MXD1: variants seen among roughly 807,000 people sequenced by gnomAD.
The protein encoded by MXD1 is MAX dimerization protein 1, also known as MAX-binding protein.
MXD1 carries 9 observed loss-of-function variants against 25.7 expected under a neutral mutation model. The ratio of observed to expected loss-of-function variants is 0.35; its 90% CI spans 0.21 to 0.61. The LOEUF (loss-of-function observed/expected upper bound fraction) is 0.61, where lower values mean the gene tolerates loss of function less well. Ranked by LOEUF, MXD1 falls within the 20% of genes least tolerant of loss-of-function variation. The probability of loss-of-function intolerance (pLI) is 0.75; values close to 1 mark genes in which losing one functional copy is unlikely to be tolerated. For missense variants in MXD1, 227 were observed against 292.4 expected (o/e 0.78, Z 1.63); for synonymous variants, 99 against 113.9 (o/e 0.87, Z 0.83).
Position 69,915,472 on chromosome 2 carries a change from G to C in MXD1, c.73+69G>C. 8.2e-7 allele frequency: 1 copy of C among 1,213,096 alleles called. No homozygotes were observed. The highest frequency in any genetic ancestry group is 1.0e-6 in the Non-Finnish European group (1 of 954,366). The allele number at this position is 1,213,096 out of a possible 1,614,324, so 75.1% of individuals were successfully genotyped here. The stretch of plus-strand genomic sequence containing the variant: ...GTCCTGTGGGGCCGGCCTCAGGTCC[G>C]GGCGCCCAGCCGCTCCGGGGGTGGT... On this transcript the variant is annotated intron_variant, in intron 1 of 5. Coordinates refer to ENST00000264444, the MANE Select transcript of MXD1 (RefSeq NM_002357.4). The surrounding 1 kb of genome is among the most constrained non-coding windows in gnomAD (Gnocchi z 5.8).
chr2:69,928,394 G>A (rs138868754), intron 3 of MXD1, among the ~76,000 whole-genome samples: 152 of 152,280 alleles, frequency 1.0e-3, no homozygotes, highest in Non-Finnish European at 1.7e-3. Flanking sequence ...GGAAAAGAAA[G>A]AATATGTTTG....
chr2:69,930,138 T>TCA (rs2104189385), intron 3 of MXD1, among the ~76,000 whole-genome samples: 1 of 152,366 alleles, frequency 6.6e-6, no homozygotes. Context: ...AGGAATCTGC[T>TCA]ATTTTTTTCA....
At position 69,921,738 on chromosome 2, in the gene MXD1, C is replaced by A; in HGVS notation, c.176C>A (p.Ser59Ter). 1 of 1,609,494 alleles carries A rather than the reference C, an allele frequency of 6.2e-7. No individual in the cohort carries two copies. The highest frequency in any genetic ancestry group is 1.1e-5 in the South Asian group (1 of 90,180). ...KSKKNNSSSR[S>*]THNEMEKNRR... Reference sequence around the variant, plus strand: ...TCTCTTATTGTTCCCTCTTTCAGATCAACTCACAATGAAATGGAGAAGAAT... The same window carrying A: ...TCTCTTATTGTTCCCTCTTTCAGATAAACTCACAATGAAATGGAGAAGAAT... The change falls in exon 3 of 6, where the codon TCA (serine) becomes TAA (stop). Residue 59 changes from serine (S) to a stop codon, truncating the protein, a stop_gained and splice_region_variant. Coordinates refer to ENST00000264444, the MANE Select transcript of MXD1 (RefSeq NM_002357.4). LOFTEE classifies it high-confidence loss of function.
chr2:69,928,118 T>C (rs994691980), intron 3 of MXD1, among the ~76,000 whole-genome samples: 13 of 152,204 alleles, frequency 8.5e-5, no homozygotes, highest in African/African-American at 1.9e-4. Flanking sequence ...TACTCTATAC[T>C]AAATACCTTC....
intron 2 of MXD1, 127 bp downstream of exon 2, chr2:69,916,347 T>C: frequency 1.6e-6 from 1 of 638,522 alleles, no homozygotes; most frequent in Non-Finnish European, 2.7e-6. Flanking sequence ...GATTCAGTAA[T>C]GTACACATGG....
chr2:69,938,470 T>G lies in MXD1; in HGVS notation c.*186T>G. ...GGGTTTCTGATTGCATCCACTAGCT[T>G]CTCTTTTTCTCGCCATAAAAATTTG... On this transcript the variant is annotated 3_prime_UTR_variant, in exon 6 of 6. Coordinates refer to ENST00000264444, the MANE Select transcript of MXD1 (RefSeq NM_002357.4). 3.4e-6 allele frequency: 2 copies of G among 585,652 alleles called. No homozygotes were observed. Among genetic ancestry groups the G allele is most frequent in the Non-Finnish European group, 6.0e-6 (2 of 333,388 alleles). 36.3% of individuals were successfully genotyped at this position (585,652 alleles called of 1,614,324 possible).
At chr2:69,933,282 G>T (rs2104199687) in intron 3 of MXD1, among the ~76,000 whole-genome samples, 1 of 147,170 alleles carries the variant, frequency 6.8e-6, no homozygotes, top group African/African-American at 2.5e-5. Flanking sequence ...ATTTATAAAT[G>T]TATAAATTAT....
chr2:69,923,135 G>A (rs1677102187), intron 3 of MXD1, among the ~76,000 whole-genome samples: 1 of 149,586 alleles, frequency 6.7e-6, no homozygotes, highest in Admixed American at 6.7e-5. Context: ...ATAACTTTTT[G>A]TGGAGCTTTT....
intron 2 of MXD1, among the ~76,000 whole-genome samples, chr2:69,917,539 A>T (rs1410207656): frequency 6.6e-6 from 1 of 152,074 alleles, no homozygotes; most frequent in Non-Finnish European, 1.5e-5. Flanking sequence ...CTTTCAGTTA[A>T]TTTTTCTGGA....
At position 69,915,865 on chromosome 2, in the gene MXD1, C is replaced by T. The variant is rs2104153181; in HGVS notation, c.74-256C>T. Among the ~76,000 whole-genome samples the T allele has an allele frequency of 6.6e-6, 1 of 152,378 alleles. No homozygotes were observed. Among genetic ancestry groups the T allele is most frequent in the South Asian group, 2.1e-4 (1 of 4,826 alleles). ...TGCTGGATGTAGCCAGTGGGAAACC[C>T]AGGCTGCGTGAGCCTAGCCACTACT... On this transcript the variant is annotated intron_variant, in intron 1 of 5. Transcript: ENST00000264444. This position sits in a 1 kb window ranked among gnomAD's most constrained non-coding sequence, Gnocchi z 5.8.
Position 69,939,865 on chromosome 2 carries a change from C to G in MXD1, c.*1581C>G, listed in dbSNP as rs988416017. Reference sequence around the variant, plus strand: ...CCTGCGGTCACTCGCACACCACAGCCTGAAGCTCCCCCAGCGCCTGCACCT... The same window carrying G: ...CCTGCGGTCACTCGCACACCACAGCGTGAAGCTCCCCCAGCGCCTGCACCT... On this transcript the variant is annotated 3_prime_UTR_variant, in exon 6 of 6. Transcript: ENST00000264444. The G allele has an allele frequency of 1.3e-5, 2 of 152,530 alleles. No individual in the cohort carries two copies. Among genetic ancestry groups the G allele is most frequent in the African/African-American group, 4.8e-5 (2 of 41,462 alleles). The allele number at this position is 152,530 out of a possible 1,614,324, so 9.4% of individuals were successfully genotyped here.
intron 3 of MXD1, among the ~76,000 whole-genome samples, chr2:69,930,246 C>CAAGAGG (rs1677254006): frequency 6.6e-6 from 1 of 152,198 alleles, no homozygotes; most frequent in Non-Finnish European, 1.5e-5. Flanking sequence ...ATATGTTATA[C>CAAGAGG]TTTCTTCTTG....
chr2:69,938,011 T>C (rs1677497722), intron 5 of MXD1, 86 bp from the exon 6 acceptor site: 2 of 1,322,292 alleles, frequency 1.5e-6, no homozygotes, highest in African/African-American at 2.9e-5. Context: ...CCTCCCAAAG[T>C]GCTGGGATTA....
At chr2:69,936,910 A>G (rs1359862179) in intron 4 of MXD1, 1 of 497,588 alleles carries the variant, frequency 2.0e-6, no homozygotes, top group African/African-American at 1.9e-5. Context: ...ATTGCTGCAA[A>G]CAAGGGAGAT....
In MXD1 at chr2:69,940,885, C is replaced by T. The variant is rs150858493; in HGVS notation, c.*2601C>T. ...CCCCCCAACCCCATCCTCCGCGCCC[C>T]GTGCGGCTGATCGGCAGCCCTGATT... On this transcript the variant is annotated 3_prime_UTR_variant, in exon 6 of 6. Coordinates refer to ENST00000264444, the MANE Select transcript of MXD1 (RefSeq NM_002357.4). 1 of 152,826 alleles carries T rather than the reference C, an allele frequency of 6.5e-6. No individual in the cohort carries two copies. The highest frequency in any genetic ancestry group is 2.4e-5 in the African/African-American group (1 of 41,570). 9.5% of individuals were successfully genotyped at this position (152,826 alleles called of 1,614,324 possible).
chr2:69,938,259 G>A lies in MXD1; in HGVS notation c.641G>A (p.Ser214Asn). The change falls in exon 6 of 6, where the codon AGT becomes AAT. Residue 214 changes from serine (S) to asparagine (N), a missense_variant. Physicochemically the swap from Ser to Asn is conservative, Grantham distance 46. Coordinates refer to ENST00000264444, the MANE Select transcript of MXD1 (RefSeq NM_002357.4). ...ATCAAGAGAATAAAGCTGCAGGACA[G>A]TCACAAGGCGTGTCTTGGTCTCTAA... ...TSIKRIKLQD[S>N]HKACLGL 1.2e-6 allele frequency: 2 copies of A among 1,614,214 alleles called. No homozygotes were observed. The highest frequency in any genetic ancestry group is 8.5e-7 in the Non-Finnish European group (1 of 1,180,018).
At chr2:69,921,527 C>T (rs987307612) in intron 2 of MXD1, among the ~76,000 whole-genome samples, 7 of 152,092 alleles carry the variant, frequency 4.6e-5, no homozygotes, top group African/African-American at 1.7e-4. Context: ...CTTGGTTTGT[C>T]GCTTTACCTT....
intron 3 of MXD1, among the ~76,000 whole-genome samples, chr2:69,925,999 T>G (rs540236281): frequency 2.0e-5 from 3 of 152,212 alleles, no homozygotes; most frequent in African/African-American, 7.2e-5. Context: ...ACTAGCATAG[T>G]TGAACAATTT....
In MXD1 at chr2:69,941,158, A is replaced by T. The variant is rs1677589776; in HGVS notation, c.*2874A>T. On this transcript the variant is annotated 3_prime_UTR_variant, in exon 6 of 6. Transcript: ENST00000264444. ...AAAGTTGATTTTAAAAAACTAAAAA[A>T]ATCTAAACTGCACTCTTATTGATAC... The T allele has an allele frequency of 6.6e-6, 1 of 152,236 alleles. No homozygotes were observed. The highest frequency in any genetic ancestry group is 2.1e-4 in the South Asian group (1 of 4,834). 9.4% of individuals were successfully genotyped at this position (152,236 alleles called of 1,614,324 possible). A position where few individuals can be genotyped will look rare whatever the true frequency, so the allele number is the denominator to read the frequency against.
Sources: gnomAD v4.1 joint callset for allele counts (sites outside exome capture counted in the v4.1 genomes callset) on GRCh38, gnomAD v4.1.1 for gene constraint, Gnocchi (gnomAD v3.1) non-coding constraint, MANE v1.5 for transcripts, NCBI Gene and HGNC (gene_info 2026-07-23, HGNC 2026-07-21) for gene names.